The following CD1B variants were observed in gnomAD, a reference collection of about 807,000 sequenced individuals.
CD1B encodes the protein CD1b molecule.
A neutral mutation model predicts 39.8 loss-of-function variants in CD1B; 43 were observed. The ratio of observed to expected loss-of-function variants is 1.08; its 90% confidence interval spans 0.85 to 1.39. The LOEUF (loss-of-function observed/expected upper bound fraction) is 1.39, where lower values mean the gene tolerates loss of function less well. Among genes scored for constraint, CD1B ranks in the 40% most tolerant of loss-of-function variants. CD1B has a pLI of 0.00. For synonymous variants in CD1B, 192 were observed against 152.5 expected, an observed-to-expected ratio of 1.26 and a Z score of -1.91; for missense variants, 495 against 403.8, an observed-to-expected ratio of 1.23 and a Z score of -1.94.
chr1:158,311,857 A>G, the CD1B span, among the ~76,000 whole-genome samples: 1 of 152,052 alleles, frequency 6.6e-6, no homozygotes, highest in Non-Finnish European at 1.5e-5. Context: ...TGATCTATGT[A>G]TCTGTTTTTA....
At chr1:158,308,314 G>T in the CD1B span, among the ~76,000 whole-genome samples, 1 of 152,112 alleles carries the variant, frequency 6.6e-6, no homozygotes, top group Non-Finnish European at 1.5e-5. Context: ...ACAAACCACT[G>T]CTCAGTGAAA....
chr1:158,300,834 C>T, the CD1B span, among the ~76,000 whole-genome samples: 1 of 149,604 alleles, frequency 6.7e-6, no homozygotes, highest in African/African-American at 2.5e-5. Flanking sequence ...TCTCAGCTCA[C>T]TGCAAGCTCT....
Position 158,329,959 on chromosome 1 carries a change from ATGATTAGTGCACAG to A in CD1B, c.486_499del (p.Cys163ThrfsTer15). ...AGTTTCCATGATACCTTGATATTGT[ATGATTAGTGCACAG>A]AATTTCTGTGCCCTGCTGCCACCTT... On this transcript the variant is annotated frameshift_variant, in exon 3 of 6. Transcript: ENST00000368168. LOFTEE classifies it high-confidence loss of function. 6.2e-7 allele frequency: 1 copy of A among 1,613,982 alleles called. No homozygotes were observed. Among genetic ancestry groups the A allele is most frequent in the Non-Finnish European group, 8.5e-7 (1 of 1,179,952 alleles).
chr1:158,305,905 C>A, the CD1B span, among the ~76,000 whole-genome samples: 1 of 152,178 alleles, frequency 6.6e-6, no homozygotes, highest in Non-Finnish European at 1.5e-5. Context: ...ATCACCAGGC[C>A]TGCCCTACAA....
the CD1B span, among the ~76,000 whole-genome samples, chr1:158,288,346 T>C: frequency 6.6e-6 from 1 of 152,186 alleles, no homozygotes; most frequent in African/African-American, 2.4e-5. Flanking sequence ...TTGTACACAG[T>C]AAATACATAG....
downstream of CD1B, among the ~76,000 whole-genome samples, chr1:158,324,558 G>A (rs184406825): frequency 1.8e-4 from 27 of 152,284 alleles, no homozygotes; most frequent in African/African-American, 6.5e-4. Flanking sequence ...AAGAGAAGTA[G>A]AAGTGAGACT....
chr1:158,293,167 C>A, the CD1B span: 24 of 1,374,056 alleles, frequency 1.7e-5, no homozygotes, highest in Admixed American at 4.3e-4. Context: ...ATAGAATCAG[C>A]AGTGAGTTTA....
the CD1B span, chr1:158,290,052 A>T: frequency 6.2e-7 from 1 of 1,613,582 alleles, no homozygotes; most frequent in Non-Finnish European, 8.5e-7. Flanking sequence ...AGAAAGAAAC[A>T]TCTGCAAATG....
chr1:158,313,452 A>G, the CD1B span, among the ~76,000 whole-genome samples: 3 of 152,056 alleles, frequency 2.0e-5, no homozygotes, highest in Non-Finnish European at 4.4e-5. Context: ...CTAGGACTAC[A>G]GGCGCCCACC....
At chr1:158,300,478 C>A in the CD1B span, among the ~76,000 whole-genome samples, 1 of 151,884 alleles carries the variant, frequency 6.6e-6, no homozygotes, top group Admixed American at 6.6e-5. Flanking sequence ...TAGAGAGTAC[C>A]GTAGATGTCT....
chr1:158,301,355 A>T, the CD1B span, among the ~76,000 whole-genome samples: 1 of 152,062 alleles, frequency 6.6e-6, no homozygotes, highest in Non-Finnish European at 1.5e-5. Flanking sequence ...TATTTTGCTC[A>T]TTAGTTTATG....
chr1:158,315,374 T>C, the CD1B span, among the ~76,000 whole-genome samples: 5 of 151,838 alleles, frequency 3.3e-5, no homozygotes, highest in Non-Finnish European at 7.4e-5. Flanking sequence ...TGGTATCTCA[T>C]TGTGGTTTTG....
the CD1B span, among the ~76,000 whole-genome samples, chr1:158,296,771 G>A: frequency 2.6e-5 from 4 of 152,152 alleles, no homozygotes; most frequent in South Asian, 6.2e-4. Context: ...ATTTGACAGA[G>A]CTAAAAAATT....
At chr1:158,293,498 C>G in the CD1B span, 1 of 1,614,122 alleles carries the variant, frequency 6.2e-7, no homozygotes, top group Admixed American at 1.7e-5. Flanking sequence ...CTGACTCCCC[C>G]ATTGTGTTAA....
At chr1:158,317,693 G>C in the CD1B span, among the ~76,000 whole-genome samples, 3 of 151,970 alleles carry the variant, frequency 2.0e-5, no homozygotes, top group Non-Finnish European at 4.4e-5. Flanking sequence ...GTTATCTCTT[G>C]CCTTCTGCTA....
chr1:158,291,067 C>A, the CD1B span: 5 of 1,495,638 alleles, frequency 3.3e-6, no homozygotes, highest in South Asian at 1.3e-5. Flanking sequence ...CTTCCATTTT[C>A]TCTCCATTTT....
At chr1:158,293,315 T>C in the CD1B span, 1 of 1,606,424 alleles carries the variant, frequency 6.2e-7, no homozygotes, top group Non-Finnish European at 8.5e-7. Context: ...GAGTTTTTTG[T>C]ATTTCCTCCT....
Position 158,328,113 on chromosome 1 carries a change from A to G in CD1B, c.*123T>C. ...TTTAAATAATAATTTATTTTAAAAT[A>G]CATGAAAACTCTGATTTCATCAAAT... On this transcript the variant is annotated 3_prime_UTR_variant, in exon 6 of 6. Transcript: ENST00000368168. The G allele has an allele frequency of 1.3e-6, 1 of 772,326 alleles. No homozygotes were observed. Among genetic ancestry groups the G allele is most frequent in the Non-Finnish European group, 2.2e-6 (1 of 457,920 alleles). 47.8% of individuals were successfully genotyped at this position (772,326 alleles called of 1,614,324 possible). A position where few individuals can be genotyped will look rare whatever the true frequency, so the allele number is the denominator to read the frequency against.
chr1:158,330,614 A>G (rs1652559066), intron 2 of CD1B, 182 bp downstream of exon 2: 1 of 743,224 alleles, frequency 1.3e-6, no homozygotes, highest in Admixed American at 1.9e-5. Context: ...AGAGGCAGCA[A>G]GAATCTGAAA....
Sources: allele counts gnomAD v4.1 joint callset (sites outside exome capture counted in the v4.1 genomes callset), GRCh38; gene constraint gnomAD v4.1.1; transcripts MANE v1.5; gene names NCBI Gene and HGNC (gene_info 2026-07-23, HGNC 2026-07-21).